The following DOCK2 variants were observed in gnomAD, a reference collection of about 807,000 sequenced individuals.
The protein encoded by DOCK2 is dedicator of cytokinesis protein 2.
Under a neutral mutation model 248.9 loss-of-function variants are expected in DOCK2, and 87 were observed. The observed-to-expected ratio is 0.35, with a 90% CI of 0.29 to 0.42. The LOEUF is 0.42. Ranked by LOEUF, DOCK2 falls within the 10% of genes least tolerant of loss-of-function variation. DOCK2 has a pLI of 1.00. For missense variants in DOCK2, 1,747 were observed against 2,300.2 expected, an observed-to-expected ratio of 0.76 and a Z score of 4.92; for synonymous variants, 805 against 821.6, an observed-to-expected ratio of 0.98 and a Z score of 0.35.
intron 27 of DOCK2, among the ~76,000 whole-genome samples, chr5:169,972,420 A>G (rs1224393991): frequency 6.6e-6 from 1 of 152,162 alleles, no homozygotes; most frequent in African/African-American, 2.4e-5. Flanking sequence ...TTTTAGCAGC[A>G]TCCTTAGTTT....
At chr5:169,813,541 C>T (rs1392976378) in intron 26 of DOCK2, among the ~76,000 whole-genome samples, 5 of 152,172 alleles carry the variant, frequency 3.3e-5, no homozygotes, top group Non-Finnish European at 5.9e-5. Context: ...TGGCCCCAAA[C>T]AAGAAAAATC....
chr5:169,988,497 T>G (rs965522689), intron 29 of DOCK2, among the ~76,000 whole-genome samples: 7 of 152,064 alleles, frequency 4.6e-5, no homozygotes, highest in Admixed American at 3.9e-4. Flanking sequence ...GTATTATTAT[T>G]ATTATTATTG....
chr5:169,707,141 G>A (rs1479479993), intron 14 of DOCK2, among the ~76,000 whole-genome samples: 1 of 152,198 alleles, frequency 6.6e-6, no homozygotes, highest in African/African-American at 2.4e-5. Flanking sequence ...CCCCTTCTGG[G>A]TAATCCTAGC....
chr5:169,967,169 A>C (rs1777331815), intron 27 of DOCK2, among the ~76,000 whole-genome samples: 1 of 152,156 alleles, frequency 6.6e-6, no homozygotes, highest in Non-Finnish European at 1.5e-5. Flanking sequence ...GTTCCTGAAA[A>C]CTGCCATCAG....
At chr5:169,650,107 A>AT (rs1259542051) in intron 1 of DOCK2, among the ~76,000 whole-genome samples, 1 of 151,994 alleles carries the variant, frequency 6.6e-6, no homozygotes, top group African/African-American at 2.4e-5. Context: ...AGTGCTGGGG[A>AT]TTTTGTCTGT....
chr5:169,876,400 A>G (rs1266540270), intron 27 of DOCK2, among the ~76,000 whole-genome samples: 1 of 152,228 alleles, frequency 6.6e-6, no homozygotes, highest in Non-Finnish European at 1.5e-5. Context: ...GTTCTAACTC[A>G]TTCTCCCAAA....
Position 170,077,802 on chromosome 5 carries a change from T to C in DOCK2, c.4959T>C (p.Ser1653=), listed in dbSNP as rs145086586. 2.4e-5 allele frequency: 38 copies of C among 1,613,816 alleles called. No homozygotes were observed. In the Admixed American group the frequency reaches 4.7e-4, roughly 20 times the overall value. Residue 1653 remains serine, a synonymous_variant, in exon 48 of 52, where the codon TCT becomes TCC. Transcript: ENST00000520908. ...MSIISLASMN[S]DCSTPSKPTS... ...TCATCTCTCTGGCTTCCATGAATTC[T>C]GACTGCAGCACCCCCAGCAAGCCTA...
chr5:169,810,987 T>TCA (rs1199485632), intron 26 of DOCK2, among the ~76,000 whole-genome samples: 55 of 75,980 alleles, frequency 7.2e-4, no homozygotes, highest in South Asian at 2.3e-3. Context: ...TCTCTCTCTC[T>TCA]CTCACACACA....
At chr5:169,914,135 TG>T (rs1774752707) in intron 27 of DOCK2, among the ~76,000 whole-genome samples, 1 of 152,214 alleles carries the variant, frequency 6.6e-6, no homozygotes, top group Non-Finnish European at 1.5e-5. Context: ...TTATACATCC[TG>T]AAGACAACCC....
intron 25 of DOCK2, among the ~76,000 whole-genome samples, chr5:169,784,614 C>T (rs758362869): frequency 3.3e-5 from 5 of 152,172 alleles, no homozygotes; most frequent in African/African-American, 7.2e-5. Flanking sequence ...ATTATGTCAA[C>T]GATTGTGTAT....
At chr5:169,832,271 TC>T (rs531528907) in intron 26 of DOCK2, among the ~76,000 whole-genome samples, 98 of 152,334 alleles carry the variant, frequency 6.4e-4, no homozygotes, top group African/African-American at 2.2e-3. Context: ...ACCCACATCT[TC>T]TTTTCCTTTT....
At chr5:169,900,850 T>C (rs1773882678) in intron 27 of DOCK2, among the ~76,000 whole-genome samples, 1 of 152,144 alleles carries the variant, frequency 6.6e-6, no homozygotes, top group South Asian at 2.1e-4. Context: ...TGCCTGGAAT[T>C]GACTGTAAGT....
intron 45 of DOCK2, among the ~76,000 whole-genome samples, chr5:170,068,431 T>G (rs771639733): frequency 1.3e-5 from 2 of 152,208 alleles, no homozygotes; most frequent in Non-Finnish European, 2.9e-5. Context: ...AATTCCCTAT[T>G]ATCTTTCCTA....
chr5:169,909,742 G>C (rs565258421), intron 27 of DOCK2, among the ~76,000 whole-genome samples: 1 of 152,284 alleles, frequency 6.6e-6, no homozygotes, highest in East Asian at 1.9e-4. Flanking sequence ...CCCAAAGCCA[G>C]TGTCACTGTG....
chr5:170,073,250 C>T (rs934655856), intron 46 of DOCK2, among the ~76,000 whole-genome samples: 2 of 151,732 alleles, frequency 1.3e-5, no homozygotes, highest in African/African-American at 4.8e-5. Flanking sequence ...ACTATTTTCC[C>T]CCACTTTTGA....
At chr5:170,039,353 A>T (rs768995401) in intron 36 of DOCK2, among the ~76,000 whole-genome samples, 26 of 152,114 alleles carry the variant, frequency 1.7e-4, no homozygotes, top group Non-Finnish European at 2.8e-4. Flanking sequence ...TTCACAACAC[A>T]TATCATCGCT....
At chr5:169,989,842 T>C (rs1308357451) in intron 29 of DOCK2, among the ~76,000 whole-genome samples, 1 of 152,220 alleles carries the variant, frequency 6.6e-6, no homozygotes, top group Non-Finnish European at 1.5e-5. Flanking sequence ...GCTTCATAAA[T>C]GTTAGTTATT....
chr5:169,991,004 T>A (rs1194455673), intron 29 of DOCK2, among the ~76,000 whole-genome samples: 1 of 152,270 alleles, frequency 6.6e-6, no homozygotes, highest in Non-Finnish European at 1.5e-5. Flanking sequence ...ACTGGGCCCC[T>A]GCTTCATGTA....
At chr5:170,056,387 GA>G (rs1757132024) in intron 42 of DOCK2, 1 of 265,398 alleles carries the variant, frequency 3.8e-6, no homozygotes, top group African/African-American at 2.2e-5. Context: ...CAGATCACAG[GA>G]AATCATGACC....
Sources: gnomAD v4.1 joint callset for allele counts (sites outside exome capture counted in the v4.1 genomes callset) on GRCh38, gnomAD v4.1.1 for gene constraint, MANE v1.5 for transcripts, NCBI Gene and HGNC (gene_info 2026-07-23, HGNC 2026-07-21) for gene names.